The following SDK1 variants were observed in gnomAD, a reference collection of about 807,000 sequenced individuals.
SDK1 encodes the protein protein sidekick-1.
A neutral mutation model predicts 245.5 loss-of-function variants in SDK1; 157 were observed. The observed-to-expected ratio is 0.64, with a 90% CI of 0.56 to 0.73. The LOEUF (loss-of-function observed/expected upper bound fraction) is 0.73, where lower values mean the gene tolerates loss of function less well. SDK1 is among the 30% of genes least tolerant of loss of function. The probability of loss-of-function intolerance (pLI) is 0.00; values close to 1 mark genes in which losing one functional copy is unlikely to be tolerated. For synonymous variants in SDK1, 1,647 were observed against 1,278.5 expected, an observed-to-expected ratio of 1.29 and a Z score of -6.15; for missense variants, 3,583 against 3,002.3, an observed-to-expected ratio of 1.19 and a Z score of -4.52.
chr7:3,338,477 C>A, intron 1 of SDK1: 1 of 505,998 alleles, frequency 2.0e-6, no homozygotes, highest in African/African-American at 1.9e-5. Flanking sequence ...AAGAAGGAAG[C>A]CAAAGAGAAA....
At chr7:4,148,901 C>T (rs1487085136) in intron 29 of SDK1, among the ~76,000 whole-genome samples, 2 of 152,078 alleles carry the variant, frequency 1.3e-5, no homozygotes, top group Non-Finnish European at 2.9e-5. Context: ...ACTAAAAATA[C>T]AAAAATTAGC....
chr7:3,493,203 G>A (rs1423155884), intron 1 of SDK1, among the ~76,000 whole-genome samples: 2 of 152,002 alleles, frequency 1.3e-5, no homozygotes, highest in African/African-American at 2.4e-5. Context: ...CTCACACCTC[G>A]GCCTCCCAAA....
intron 1 of SDK1, among the ~76,000 whole-genome samples, chr7:3,358,041 G>A (rs1463535134): frequency 6.6e-6 from 1 of 151,506 alleles, no homozygotes; most frequent in Non-Finnish European, 1.5e-5. Flanking sequence ...TTTGGGGGAT[G>A]GACAGAGTCT....
At chr7:3,972,397 T>C (rs1157200659) in intron 12 of SDK1, among the ~76,000 whole-genome samples, 4 of 152,130 alleles carry the variant, frequency 2.6e-5, no homozygotes, top group Admixed American at 2.6e-4. Context: ...TCTAAAGGAA[T>C]GCCGACATCC....
chr7:4,252,156 A>G (rs2128241079), intron 44 of SDK1, among the ~76,000 whole-genome samples: 1 of 152,180 alleles, frequency 6.6e-6, no homozygotes, highest in South Asian at 2.1e-4. Flanking sequence ...TGCTGCACCC[A>G]TTAACTTGTC....
At chr7:3,555,609 A>G (rs1205349069) in intron 1 of SDK1, among the ~76,000 whole-genome samples, 1 of 152,220 alleles carries the variant, frequency 6.6e-6, no homozygotes, top group Non-Finnish European at 1.5e-5. Context: ...TGCACAGCAA[A>G]GGAAAACAAT....
chr7:3,620,238 T>C (rs1583235223), intron 2 of SDK1, among the ~76,000 whole-genome samples: 1 of 152,134 alleles, frequency 6.6e-6, no homozygotes, highest in South Asian at 2.1e-4. Context: ...TATGTGTGTG[T>C]CAGTTGTCTG....
chr7:3,806,304 ATGTGGATGTC>A (rs879312295), intron 4 of SDK1, among the ~76,000 whole-genome samples: 2,383 of 125,974 alleles, frequency 0.019, 96 homozygotes, highest in African/African-American at 0.098. Flanking sequence ...CCACATTAGG[ATGTGGATGTC>A]CACATTAGGA....
chr7:3,807,650 G>T (rs887563479), intron 4 of SDK1, among the ~76,000 whole-genome samples: 1 of 152,156 alleles, frequency 6.6e-6, no homozygotes, highest in African/African-American at 2.4e-5. Flanking sequence ...ACAAAGGTTT[G>T]CACAGATTCC....
At chr7:3,449,245 G>A (rs1052101502) in intron 1 of SDK1, among the ~76,000 whole-genome samples, 4 of 152,230 alleles carry the variant, frequency 2.6e-5, no homozygotes, top group African/African-American at 4.8e-5. Flanking sequence ...GCAAATTGCC[G>A]ATTTCACACT....
intron 5 of SDK1, among the ~76,000 whole-genome samples, chr7:3,832,525 C>T (rs1779937791): frequency 6.6e-6 from 1 of 152,102 alleles, no homozygotes; most frequent in Non-Finnish European, 1.5e-5. Context: ...AAATCAAGCC[C>T]ACAGAAAATC....
intron 43 of SDK1, among the ~76,000 whole-genome samples, chr7:4,244,406 G>A (rs1786712137): frequency 6.6e-6 from 1 of 152,090 alleles, no homozygotes; most frequent in Non-Finnish European, 1.5e-5. Context: ...CACACCCTTC[G>A]GAGGACTAAG....
intron 1 of SDK1, among the ~76,000 whole-genome samples, chr7:3,538,724 T>G (rs965351895): frequency 5.9e-5 from 9 of 152,056 alleles, no homozygotes; most frequent in African/African-American, 2.2e-4. Context: ...GAGTTTATAC[T>G]CTCTATGCAA....
chr7:4,022,303 C>G (rs1481982724), intron 17 of SDK1, among the ~76,000 whole-genome samples: 1 of 152,198 alleles, frequency 6.6e-6, no homozygotes, highest in Non-Finnish European at 1.5e-5. Context: ...CTAGGCCAGC[C>G]AGCCTCATTT....
intron 7 of SDK1, among the ~76,000 whole-genome samples, chr7:3,957,548 G>A: frequency 6.6e-6 from 1 of 152,222 alleles, no homozygotes; most frequent in African/African-American, 2.4e-5. Flanking sequence ...TCGAATGTAT[G>A]TTTTTTTCCT....
rs117521432 is a variant in SDK1, at chr7:3,587,012, G to A, written c.299-32068G>A. ...ATAGTGCTAACTTGAGGTGGAGGAG[G>A]AGGAGGAAGGACCCTGGGCACAGTG... On this transcript the variant is annotated intron_variant, in intron 1 of 44. Transcript: ENST00000404826. 8.2e-3 allele frequency among the ~76,000 whole-genome samples: 1,246 copies of A among 152,182 alleles called. 15 individuals are homozygous for A. The highest frequency in any genetic ancestry group is 0.012 in the Non-Finnish European group (845 of 68,010).
At chr7:3,643,951 G>C (rs923539756) in intron 4 of SDK1, among the ~76,000 whole-genome samples, 1 of 150,402 alleles carries the variant, frequency 6.6e-6, no homozygotes, top group Non-Finnish European at 1.5e-5. Flanking sequence ...CACCCAGGCT[G>C]AGGTACAGTG....
chr7:4,069,003 T>G (rs1369903194), intron 20 of SDK1, among the ~76,000 whole-genome samples: 1 of 152,232 alleles, frequency 6.6e-6, no homozygotes, highest in Non-Finnish European at 1.5e-5. Context: ...ATTACAGGCG[T>G]GAGCCACTGC....
intron 4 of SDK1, among the ~76,000 whole-genome samples, chr7:3,777,296 T>TA (rs1377197816): frequency 6.6e-6 from 1 of 152,218 alleles, no homozygotes; most frequent in Admixed American, 6.5e-5. Context: ...AATTTGCCCT[T>TA]ATTGGCATCC....
Sources: gnomAD v4.1 joint callset for allele counts (sites outside exome capture counted in the v4.1 genomes callset) on GRCh38, gnomAD v4.1.1 for gene constraint, MANE v1.5 for transcripts, NCBI Gene and HGNC (gene_info 2026-07-23, HGNC 2026-07-21) for gene names.